RHBDL3: variants seen among roughly 807,000 people sequenced by gnomAD.
RHBDL3 encodes rhomboid like 3, also known as rhomboid-related protein 3.
RHBDL3 carries 28 observed loss-of-function variants against 48.2 expected under a neutral mutation model. The ratio of observed to expected loss-of-function variants is 0.58; its 90% CI spans 0.43 to 0.80. RHBDL3 has a LOEUF of 0.80. Among genes scored for constraint, RHBDL3 ranks in the 30% least tolerant of loss-of-function variants. The pLI is 0.00. For missense variants in RHBDL3, 464 were observed against 542.7 expected (o/e 0.85, Z 1.44); for synonymous variants, 208 against 232.3 (o/e 0.90, Z 0.95).
rs748473213 is a variant in RHBDL3 at position 32,294,432 on chromosome 17, A to G, written c.658A>G (p.Met220Val). The G allele has an allele frequency of 3.1e-6, 5 of 1,613,916 alleles. No homozygotes were observed. The South Asian group carries it at 3.3e-5, about 11-fold the overall frequency. ...TTGGCGCTACCTGACATACATCTTC[A>G]TGCATGCAGGGTGAGTACCTGTCTT... ...QVWRYLTYIF[M>V]HAGIEHLGLN... Residue 220 changes from methionine (M) to valine (V), a missense_variant, in exon 5 of 9, where the codon ATG (methionine) becomes GTG (valine). Physicochemically the swap from Met to Val is conservative, Grantham distance 21. Coordinates refer to ENST00000269051, the MANE Select transcript of RHBDL3 (RefSeq NM_138328.3).
At chr17:32,290,335 C>T (rs1053915686) in intron 4 of RHBDL3, among the ~76,000 whole-genome samples, 14 of 152,254 alleles carry the variant, frequency 9.2e-5, no homozygotes, top group Admixed American at 6.5e-4. Flanking sequence ...GTACCCATTT[C>T]CAGATAAAGA....
chr17:32,312,674 C>T (rs1237251184), intron 7 of RHBDL3, among the ~76,000 whole-genome samples: 1 of 152,074 alleles, frequency 6.6e-6, no homozygotes, highest in Non-Finnish European at 1.5e-5. Context: ...TGTACCACCA[C>T]ACCCAGCTAA....
In RHBDL3 at chr17:32,323,629, G is replaced by A. The variant is rs920394726; in HGVS notation, c.*2400G>A. On this transcript the variant is annotated 3_prime_UTR_variant, in exon 9 of 9. Coordinates refer to ENST00000269051, the MANE Select transcript of RHBDL3 (RefSeq NM_138328.3). ...AAGATTCTAGAAATCCCTCATAGAAGCACTCAGCTCCCTCGGGGACTCCCA... is the reference window on the plus strand; with the variant it reads ...AAGATTCTAGAAATCCCTCATAGAAACACTCAGCTCCCTCGGGGACTCCCA... The A allele has an allele frequency of 6.6e-6, 1 of 152,182 alleles. No individual in the cohort carries two copies. Among genetic ancestry groups the A allele is most frequent in the African/African-American group, 2.4e-5 (1 of 41,392 alleles). The allele number at this position is 152,182 out of a possible 1,614,324, so 9.4% of individuals were successfully genotyped here. A position where few individuals can be genotyped will look rare whatever the true frequency, so the allele number is the denominator to read the frequency against.
At chr17:32,298,510 C>T (rs1224927079) in intron 6 of RHBDL3, among the ~76,000 whole-genome samples, 2 of 152,238 alleles carry the variant, frequency 1.3e-5, no homozygotes, top group East Asian at 1.9e-4. Context: ...GGGGAAATTT[C>T]CTAACCTCTT....
chr17:32,278,484 C>T (rs1040162148), intron 2 of RHBDL3, among the ~76,000 whole-genome samples: 1 of 152,098 alleles, frequency 6.6e-6, no homozygotes, highest in African/African-American at 2.4e-5. Flanking sequence ...CACCTGTTTC[C>T]CCATAAAACG....
intron 6 of RHBDL3, 91 bp downstream of exon 6, chr17:32,298,295 G>A: frequency 1.3e-6 from 1 of 772,990 alleles, no homozygotes; most frequent in Non-Finnish European, 2.2e-6. Flanking sequence ...AGGTTTCCAG[G>A]ACACACAGAA....
chr17:32,269,025 C>T (rs781724446), intron 2 of RHBDL3, among the ~76,000 whole-genome samples: 4 of 152,142 alleles, frequency 2.6e-5, no homozygotes, highest in Non-Finnish European at 5.9e-5. Flanking sequence ...ACATATCTAA[C>T]TTTGAGATTC....
At position 32,288,971 on chromosome 17, in the gene RHBDL3, C is replaced by A; in HGVS notation, c.474C>A (p.Thr158=). ...IDRKWYYDSY[T]CCPPPWFMIT... is the part of the protein sequence containing the mutation. Reference sequence around the variant, plus strand: ...GCAAGTGGTACTATGACAGCTACACCTGCTGCCCCCCACCCTGGTTCATGA... The same window carrying A: ...GCAAGTGGTACTATGACAGCTACACATGCTGCCCCCCACCCTGGTTCATGA... Residue 158 remains threonine, a synonymous_variant, in exon 4 of 9, where the codon ACC becomes ACA. Coordinates refer to ENST00000269051, the MANE Select transcript of RHBDL3 (RefSeq NM_138328.3). 1 of 1,614,222 alleles carries A rather than the reference C, an allele frequency of 6.2e-7. No homozygotes were observed. Among genetic ancestry groups the A allele is most frequent in the Non-Finnish European group, 8.5e-7 (1 of 1,180,032 alleles).
intron 4 of RHBDL3, among the ~76,000 whole-genome samples, chr17:32,291,847 C>T (rs1399779848): frequency 1.4e-5 from 2 of 148,048 alleles, no homozygotes; most frequent in Non-Finnish European, 1.5e-5. Context: ...TCTTGGCTCA[C>T]TGCAACCTCC....
chr17:32,305,606 G>A (rs2040691794), intron 7 of RHBDL3, among the ~76,000 whole-genome samples, 165 bp downstream of exon 7: 1 of 152,112 alleles, frequency 6.6e-6, no homozygotes, highest in East Asian at 1.9e-4. Context: ...TCAAATGAGC[G>A]CCTTCCAGAT....
At chr17:32,304,072 A>G (rs982269546) in intron 6 of RHBDL3, among the ~76,000 whole-genome samples, 2 of 152,114 alleles carry the variant, frequency 1.3e-5, no homozygotes, top group Non-Finnish European at 2.9e-5. Context: ...CATTGATCAC[A>G]CTTAAATGAG....
chr17:32,287,652 C>G (rs569866470), intron 3 of RHBDL3, among the ~76,000 whole-genome samples: 2 of 152,178 alleles, frequency 1.3e-5, no homozygotes, highest in South Asian at 4.1e-4. Context: ...ACCCCTGTGC[C>G]GTGGTCTGGC....
At chr17:32,315,177 A>G (rs2040941653) in intron 7 of RHBDL3, among the ~76,000 whole-genome samples, 1 of 152,200 alleles carries the variant, frequency 6.6e-6, no homozygotes, top group African/African-American at 2.4e-5. Context: ...AACCTCAAAG[A>G]AGTGCCACAC....
At chr17:32,304,994 G>T (rs146644821) in intron 6 of RHBDL3, among the ~76,000 whole-genome samples, 1 of 152,112 alleles carries the variant, frequency 6.6e-6, no homozygotes, top group East Asian at 1.9e-4. Context: ...TGTGGCGCAC[G>T]ACTGTAGTTC....
At chr17:32,281,957 G>A (rs956062432) in intron 2 of RHBDL3, among the ~76,000 whole-genome samples, 4 of 152,160 alleles carry the variant, frequency 2.6e-5, no homozygotes, top group African/African-American at 7.2e-5. Flanking sequence ...TGGCTCTGCC[G>A]CTTGCCGGGC....
intron 4 of RHBDL3, among the ~76,000 whole-genome samples, chr17:32,293,579 C>CA (rs5819974): frequency 0.12 from 13,923 of 120,104 alleles, 779 homozygotes; most frequent in African/African-American, 0.19. Context: ...GACCCTGTCT[C>CA]AAAAAAAAAA....
intron 2 of RHBDL3, among the ~76,000 whole-genome samples, chr17:32,272,060 G>A (rs1175183864): frequency 6.6e-6 from 1 of 152,184 alleles, no homozygotes; most frequent in Non-Finnish European, 1.5e-5. Flanking sequence ...TCTGTACAAT[G>A]GGGACGTAAT....
chr17:32,284,054 G>T (rs376315005), intron 2 of RHBDL3: 1 of 152,402 alleles, frequency 6.6e-6, no homozygotes, highest in Non-Finnish European at 1.5e-5. Flanking sequence ...ACACAGACGC[G>T]CACTCCTACT....
chr17:32,305,170 AGGGAG>A (rs1323187554), intron 6 of RHBDL3, among the ~76,000 whole-genome samples, 166 bp from the exon 7 acceptor site: 1 of 81,114 alleles, frequency 1.2e-5, no homozygotes, highest in Admixed American at 1.7e-4. Flanking sequence ...AGGGAGGGAG[AGGGAG>A]GGGAGGGGAG....
Sources: gnomAD v4.1 joint callset for allele counts (sites outside exome capture counted in the v4.1 genomes callset) on GRCh38, gnomAD v4.1.1 for gene constraint, MANE v1.5 for transcripts, NCBI Gene and HGNC (gene_info 2026-07-23, HGNC 2026-07-21) for gene names.